The following GRK1 variants were observed in gnomAD, a reference collection of about 807,000 sequenced individuals.
GRK1 encodes the protein rhodopsin kinase GRK1.
A neutral mutation model predicts 41.7 loss-of-function variants in GRK1; 28 were observed. The ratio of observed to expected loss-of-function variants is 0.67; its 90% CI spans 0.50 to 0.92. The LOEUF (loss-of-function observed/expected upper bound fraction) is 0.92, where lower values mean the gene tolerates loss of function less well. GRK1 is among the 40% of genes least tolerant of loss of function. The pLI is 0.00. For synonymous variants in GRK1, 327 were observed against 286.7 expected (o/e 1.14, Z -1.42); for missense variants, 703 against 671.2 (o/e 1.05, Z -0.52).
chr13:113,653,334 G>A, the GRK1 span: 10 of 1,613,544 alleles, frequency 6.2e-6, no homozygotes, highest in African/African-American at 4.0e-5. Context: ...CTAGGAAGGC[G>A]TGGAGAGTCT....
chr13:113,653,225 C>T, the GRK1 span: 1 of 1,334,940 alleles, frequency 7.5e-7, no homozygotes, highest in Non-Finnish European at 1.0e-6. Flanking sequence ...TGCTGCTTCA[C>T]ACCTCACCCA....
the GRK1 span, among the ~76,000 whole-genome samples, chr13:113,661,966 C>T: frequency 6.6e-6 from 1 of 152,192 alleles, no homozygotes; most frequent in Non-Finnish European, 1.5e-5. Flanking sequence ...TTTTCCAACT[C>T]ATCTTATAAG....
chr13:113,733,091 G>A lies in GRK1; in HGVS notation c.1396+6G>A. The A allele has an allele frequency of 1.3e-6, 2 of 1,534,364 alleles. No homozygotes were observed. The highest frequency in any genetic ancestry group is 4.9e-5 in the East Asian group (2 of 40,880). ...CTGGAGGCAGCTGGAGGCTGGTACT[G>A]TTGGACGCCTCAGCCCCGGAGAGGG... On this transcript the variant is annotated splice_donor_region_variant and intron_variant, in intron 6 of 6. Coordinates refer to ENST00000335678, the MANE Select transcript of GRK1 (RefSeq NM_002929.3).
rs1270114654 is a variant in GRK1, at chr13:113,733,029, A to G, written c.1340A>G (p.Asp447Gly). ...KRLGFRDETC[D>G]KLRAHPLFKD... is the part of the protein sequence containing the mutation. ...CTGGGGTTCAGAGATGAGACCTGCG[A>G]CAAGCTCCGTGCCCACCCCCTCTTC... Residue 447 changes from aspartate (D) to glycine (G), a missense_variant, in exon 6 of 7, where the codon GAC becomes GGC. Transcript: ENST00000335678. The G allele has an allele frequency of 1.3e-6, 2 of 1,536,984 alleles. No individual in the cohort carries two copies. The highest frequency in any genetic ancestry group is 2.7e-5 in the African/African-American group (2 of 73,062).
the GRK1 span, chr13:113,654,696 G>C: frequency 6.9e-7 from 1 of 1,443,666 alleles, no homozygotes. Flanking sequence ...GGGCTGCCGG[G>C]CTGGCTTCCC....
the GRK1 span, among the ~76,000 whole-genome samples, chr13:113,649,732 G>T: frequency 6.6e-6 from 1 of 152,210 alleles, no homozygotes; most frequent in Non-Finnish European, 1.5e-5. The surrounding 1 kb of genome is among the most constrained non-coding windows in gnomAD (Gnocchi z 4.7). Flanking sequence ...CAACTGTCTG[G>T]AGGGGACAGA....
At chr13:113,655,048 T>C in the GRK1 span, 8 of 1,448,580 alleles carry the variant, frequency 5.5e-6, no homozygotes, top group Admixed American at 4.1e-5. Context: ...CTTCCCTACC[T>C]AGTTCCAGAA....
chr13:113,728,235 G>T (rs867008499), intron 4 of GRK1, among the ~76,000 whole-genome samples: 19 of 85,432 alleles, frequency 2.2e-4, no homozygotes, highest in Admixed American at 4.7e-4. Context: ...CCCATGGCGA[G>T]GAGTACCCAT....
At chr13:113,667,159 G>C, upstream of GRK1, 1 of 521,426 alleles carries the variant, frequency 1.9e-6, no homozygotes, top group South Asian at 3.4e-5. This position sits in a 1 kb window ranked among gnomAD's most constrained non-coding sequence, Gnocchi z 7.5. Flanking sequence ...AGCGTCCTCC[G>C]TGACCCCGGC....
chr13:113,733,022 A>G lies in GRK1; in HGVS notation c.1333A>G (p.Thr445Ala), dbSNP rs1461738076. The G allele has an allele frequency of 2.0e-6, 3 of 1,536,946 alleles. No individual in the cohort carries two copies. Among genetic ancestry groups the G allele is most frequent in the African/African-American group, 2.7e-5 (2 of 73,036 alleles). ...PEKRLGFRDE[T>A]CDKLRAHPLF... ...GAAGCGCCTGGGGTTCAGAGATGAG[A>G]CCTGCGACAAGCTCCGTGCCCACCC... The change falls in exon 6 of 7, where the codon ACC becomes GCC. Residue 445 changes from threonine to alanine, a missense_variant. By Grantham distance (58) the Thr-to-Ala change is moderately conservative. Transcript: ENST00000335678.
upstream of GRK1, among the ~76,000 whole-genome samples, chr13:113,664,487 T>C (rs1351142987): frequency 6.6e-6 from 1 of 152,196 alleles, no homozygotes; most frequent in Non-Finnish European, 1.5e-5. The surrounding 1 kb of genome is among the most constrained non-coding windows in gnomAD (Gnocchi z 5.4). Flanking sequence ...TTACTTCTCT[T>C]TGAGAGACAC....
the GRK1 span, among the ~76,000 whole-genome samples, chr13:113,659,026 G>A: frequency 1.9e-4 from 29 of 152,276 alleles, 1 homozygote; most frequent in East Asian, 3.9e-3. Flanking sequence ...CGGGGTCACC[G>A]GGGGTCCGGG....
chr13:113,657,226 G>A, the GRK1 span, among the ~76,000 whole-genome samples: 32 of 152,144 alleles, frequency 2.1e-4, no homozygotes, highest in Admixed American at 1.1e-3. Context: ...GCCGGGCACC[G>A]TGGGAATTGA....
the GRK1 span, among the ~76,000 whole-genome samples, chr13:113,656,217 C>G: frequency 6.6e-6 from 1 of 152,162 alleles, no homozygotes; most frequent in Admixed American, 6.5e-5. Context: ...GCCTCAGTGT[C>G]CCCAGGTCAC....
the GRK1 span, chr13:113,649,421 C>A: frequency 1.3e-6 from 2 of 1,588,470 alleles, no homozygotes. The surrounding 1 kb of genome is among the most constrained non-coding windows in gnomAD (Gnocchi z 4.7). Context: ...TCATACGGGT[C>A]GTGGGGATTG....
rs919029683 is a variant in GRK1 at position 113,731,626 on chromosome 13, G to A, written c.1194+283G>A. Among the ~76,000 whole-genome samples the A allele has an allele frequency of 5.3e-5, 8 of 152,166 alleles. No homozygotes were observed. The highest frequency in any genetic ancestry group is 2.1e-4 in the South Asian group (1 of 4,828). On this transcript the variant is annotated intron_variant, in intron 5 of 6. Transcript: ENST00000335678. The surrounding 1 kb of genome is among the most constrained non-coding windows in gnomAD (Gnocchi z 5.6). ...AGCAGACCCTCCCACCAGACAGCAC[G>A]CCACCACTCAGCCTCTGAGGGCCCT... is the stretch of plus-strand genomic sequence containing the variant.
the GRK1 span, among the ~76,000 whole-genome samples, chr13:113,657,502 G>A: frequency 8.5e-5 from 13 of 152,354 alleles, no homozygotes; most frequent in East Asian, 9.7e-4. Flanking sequence ...GTGCAGCCAC[G>A]GGGACAGGAC....
Position 113,736,228 on chromosome 13 carries a change from G to A in GRK1, c.*865G>A, listed in dbSNP as rs1195296992. 6.6e-6 allele frequency: 1 copy of A among 152,376 alleles called. No individual in the cohort carries two copies. Among genetic ancestry groups the A allele is most frequent in the Non-Finnish European group, 1.5e-5 (1 of 68,180 alleles). The allele number at this position is 152,376 out of a possible 1,614,324, so 9.4% of individuals were successfully genotyped here. ...AGCTGCTCTTGGCGGGCAAAGCCAG[G>A]ACCGTTTGCTCTCTGACCCTCCTCC... On this transcript the variant is annotated 3_prime_UTR_variant, in exon 7 of 7. Coordinates refer to ENST00000335678, the MANE Select transcript of GRK1 (RefSeq NM_002929.3).
intron 4 of GRK1, among the ~76,000 whole-genome samples, chr13:113,723,868 CCGTGTCTGTGCACACA>C (rs1305682098): frequency 1.3e-5 from 2 of 150,574 alleles, no homozygotes; most frequent in Non-Finnish European, 3.0e-5. Context: ...GTGTGCATGC[CCGTGTCTGTGCACACA>C]CGTGTCCGTG....
Sources: allele counts gnomAD v4.1 joint callset (sites outside exome capture counted in the v4.1 genomes callset), GRCh38; gene constraint gnomAD v4.1.1; non-coding constraint Gnocchi (gnomAD v3.1); transcripts MANE v1.5; gene names NCBI Gene and HGNC (gene_info 2026-07-23, HGNC 2026-07-21).